Variants in GPATCH8 observed in about 807,000 individuals in gnomAD.
GPATCH8 encodes G-patch domain containing 8, also known as G patch domain-containing protein 8.
In GPATCH8, 18 loss-of-function variants were observed where a neutral mutation model predicts 118.3. The ratio of observed to expected loss-of-function variants is 0.15; its 90% CI spans 0.11 to 0.23. The LOEUF is 0.23. Among genes scored for constraint, GPATCH8 ranks in the 10% least tolerant of loss-of-function variants. GPATCH8 has a pLI of 1.00. For missense variants in GPATCH8, 1,631 were observed against 1,873.8 expected (o/e 0.87, Z 2.39); for synonymous variants, 659 against 684.7 (o/e 0.96, Z 0.59).
At chr17:44,487,181 C>T (rs753553396) in intron 1 of GPATCH8, among the ~76,000 whole-genome samples, 1 of 152,180 alleles carries the variant, frequency 6.6e-6, no homozygotes, top group Non-Finnish European at 1.5e-5. Flanking sequence ...CCCTCAAACT[C>T]CTGGCAATCA....
intron 1 of GPATCH8, among the ~76,000 whole-genome samples, chr17:44,489,976 G>C (rs1388190445): frequency 6.6e-6 from 1 of 152,038 alleles, no homozygotes; most frequent in East Asian, 1.9e-4. Context: ...AGATCTAGAT[G>C]ATCATATATC....
At chr17:44,405,869 A>C (rs963907369) in intron 7 of GPATCH8, 52 bp downstream of exon 7, 70 of 1,285,466 alleles carry the variant, frequency 5.4e-5, no homozygotes, top group Middle Eastern at 3.8e-4. Context: ...ATAATTTAAA[A>C]TTTTAAGGAT....
chr17:44,474,655 A>C (rs2144379044), intron 2 of GPATCH8, 174 bp downstream of exon 2: 1 of 688,964 alleles, frequency 1.5e-6, no homozygotes, highest in East Asian at 2.7e-5. Context: ...TTCCCAACAT[A>C]TTAAATATTA....
At chr17:44,441,541 T>C (rs192446757) in intron 3 of GPATCH8, among the ~76,000 whole-genome samples, 4 of 151,184 alleles carry the variant, frequency 2.6e-5, no homozygotes, top group Non-Finnish European at 5.9e-5. Flanking sequence ...CTGGCCAACA[T>C]GGTGAAACCC....
At chr17:44,428,679 T>C (rs1482565563) in intron 5 of GPATCH8, among the ~76,000 whole-genome samples, 1 of 152,004 alleles carries the variant, frequency 6.6e-6, no homozygotes, top group Non-Finnish European at 1.5e-5. Context: ...GGCATGCACC[T>C]GTAGCCCCAG....
intron 3 of GPATCH8, among the ~76,000 whole-genome samples, chr17:44,453,503 G>GTGTGTGTGTGTGTGT (rs2051204338): frequency 7.1e-6 from 1 of 141,658 alleles, no homozygotes; most frequent in Admixed American, 6.9e-5. Context: ...AGGTAGGGGT[G>GTGTGTGTGTGTGTGT]TGTGTGTGTG....
Position 44,430,691 on chromosome 17 carries a change from G to A in GPATCH8, c.348+4374C>T, listed in dbSNP as rs566077590. Among the ~76,000 whole-genome samples the A allele has an allele frequency of 2.6e-5, 4 of 151,948 alleles. No individual in the cohort carries two copies. In the South Asian group the frequency reaches 8.3e-4, roughly 32 times the overall value. On this transcript the variant is annotated intron_variant, in intron 5 of 7. Coordinates refer to ENST00000591680, the MANE Select transcript of GPATCH8 (RefSeq NM_001002909.4). The stretch of plus-strand genomic sequence containing the variant: ...TCTCACTCTGTCTGTCGCCCAGGCT[G>A]GAGTGCAGTGGTGCGATCTTGGCTC...
At chr17:44,434,300 GA>G (rs1406297614) in intron 5 of GPATCH8, among the ~76,000 whole-genome samples, 2 of 151,646 alleles carry the variant, frequency 1.3e-5, no homozygotes, top group Non-Finnish European at 2.9e-5. Flanking sequence ...GAAAGGAGAA[GA>G]AAAAGGGGAA....
At chr17:44,430,019 G>A in intron 5 of GPATCH8, among the ~76,000 whole-genome samples, 1 of 152,102 alleles carries the variant, frequency 6.6e-6, no homozygotes, top group African/African-American at 2.4e-5. Context: ...GAGCAAGACT[G>A]TCTCAACAAA....
intron 3 of GPATCH8, among the ~76,000 whole-genome samples, chr17:44,442,116 T>TAGAG (rs1379659600): frequency 2.8e-5 from 4 of 142,430 alleles, no homozygotes; most frequent in African/African-American, 1.1e-4. Context: ...TACATATATA[T>TAGAG]ATATATAGAG....
At chr17:44,469,778 G>C (rs577985419) in intron 2 of GPATCH8, among the ~76,000 whole-genome samples, 1 of 152,284 alleles carries the variant, frequency 6.6e-6, no homozygotes, top group African/African-American at 2.4e-5. Flanking sequence ...GAAGACTAGA[G>C]AGAAAAGCCA....
intron 3 of GPATCH8, among the ~76,000 whole-genome samples, chr17:44,449,636 C>T (rs189850977): frequency 1.3e-5 from 2 of 152,204 alleles, no homozygotes; most frequent in Admixed American, 1.3e-4. Context: ...CCTGCCTCAG[C>T]CTCCCGAGTA....
chr17:44,474,808 A>T, intron 2 of GPATCH8, 21 bp downstream of exon 2: 1 of 1,348,574 alleles, frequency 7.4e-7, no homozygotes, highest in Non-Finnish European at 1.1e-6. Flanking sequence ...AAGACCCGAA[A>T]TTAAGCACTG....
intron 1 of GPATCH8, among the ~76,000 whole-genome samples, chr17:44,489,042 G>A (rs1294058649): frequency 6.6e-6 from 1 of 151,820 alleles, no homozygotes; most frequent in Non-Finnish European, 1.5e-5. Flanking sequence ...CTGAGGGACA[G>A]AGTGAGACTC....
In GPATCH8 at chr17:44,399,250, G is replaced by C; in HGVS notation, c.2827C>G (p.Arg943Gly). The C allele has an allele frequency of 2.5e-6, 4 of 1,614,098 alleles. No individual in the cohort carries two copies. The highest frequency in any genetic ancestry group is 3.4e-6 in the Non-Finnish European group (4 of 1,179,982). The change falls in exon 8 of 8, where the codon CGA becomes GGA. Residue 943 changes from arginine (R) to glycine (G), a missense_variant. By Grantham distance (125) the Arg-to-Gly change is moderately radical. Transcript: ENST00000591680. ...CTGGTATGACTCCGAGATCGGCTTC[G>C]GGACTGGCTGCAACTGAGGCTATAG... is the stretch of plus-strand genomic sequence containing the variant. ...DDYSLSCSQS[R>G]SRSRSHTRER... is the part of the protein sequence containing the mutation.
At chr17:44,453,500 G>GGT (rs56962134) in intron 3 of GPATCH8, among the ~76,000 whole-genome samples, 7,017 of 142,704 alleles carry the variant, frequency 0.049, 253 homozygotes, top group Admixed American at 0.067. Context: ...GGTAGGTAGG[G>GGT]GTGTGTGTGT....
At chr17:44,475,391 A>G (rs907820224) in intron 1 of GPATCH8, among the ~76,000 whole-genome samples, 21 of 148,614 alleles carry the variant, frequency 1.4e-4, no homozygotes, top group African/African-American at 5.2e-4. Context: ...AAAAAGAAAA[A>G]AAAAAAAAGA....
chr17:44,422,338 C>T (rs2049937364), intron 6 of GPATCH8, among the ~76,000 whole-genome samples: 1 of 151,852 alleles, frequency 6.6e-6, no homozygotes, highest in Non-Finnish European at 1.5e-5. Flanking sequence ...TGCCACCACA[C>T]CCAGCTAATT....
intron 1 of GPATCH8, among the ~76,000 whole-genome samples, chr17:44,481,454 G>A (rs1156415372): frequency 6.6e-6 from 1 of 152,144 alleles, no homozygotes; most frequent in Non-Finnish European, 1.5e-5. Context: ...ATTATGCTAA[G>A]TGAAAAGAAG....
Sources: gnomAD v4.1 joint callset for allele counts (sites outside exome capture counted in the v4.1 genomes callset) on GRCh38, gnomAD v4.1.1 for gene constraint, MANE v1.5 for transcripts, NCBI Gene and HGNC (gene_info 2026-07-23, HGNC 2026-07-21) for gene names.